Variants in SAMSN1 observed in about 807,000 individuals in gnomAD.
SAMSN1 encodes SAM domain-containing protein SAMSN-1.
SAMSN1 carries 31 observed loss-of-function variants against 42.0 expected under a neutral mutation model. The observed-to-expected ratio is 0.74, with a 90% CI of 0.55 to 1.00. The LOEUF is 1.00. SAMSN1 is among the 50% of genes least tolerant of loss of function. The pLI is 0.00. For missense variants in SAMSN1, 464 were observed against 439.4 expected, an observed-to-expected ratio of 1.06 and a Z score of -0.50; for synonymous variants, 178 against 151.9, an observed-to-expected ratio of 1.17 and a Z score of -1.26.
At chr21:14,516,815 A>T in intron 3 of SAMSN1, 77 bp downstream of exon 3, 1 of 1,222,008 alleles carries the variant, frequency 8.2e-7, no homozygotes, top group South Asian at 1.5e-5. Flanking sequence ...TAAAGTACCA[A>T]GCACTTCTAT....
intron 4 of SAMSN1, among the ~76,000 whole-genome samples, chr21:14,511,657 C>A (rs1028504724): frequency 6.6e-6 from 1 of 152,174 alleles, no homozygotes; most frequent in Middle Eastern, 3.4e-3. Context: ...TTTAAAAACC[C>A]TGAAAAGATT....
At chr21:14,625,505 T>A (rs543144912) in intron 2 of SAMSN1, among the ~76,000 whole-genome samples, 1 of 152,240 alleles carries the variant, frequency 6.6e-6, no homozygotes, top group South Asian at 2.1e-4. Context: ...GAGAGCCAAA[T>A]CATGAGTGAA....
chr21:14,628,346 C>A (rs1171839729), intron 2 of SAMSN1, among the ~76,000 whole-genome samples: 1 of 152,030 alleles, frequency 6.6e-6, no homozygotes, highest in African/African-American at 2.4e-5. Context: ...CTGATCTGAT[C>A]ACTATACATG....
At chr21:14,561,846 T>C (rs2403784) in intron 2 of SAMSN1, among the ~76,000 whole-genome samples, 5,522 of 152,254 alleles carry the variant, frequency 0.036, 304 homozygotes, top group African/African-American at 0.12. Flanking sequence ...CATGTGAAGA[T>C]GGAGGCAGGA....
At chr21:14,644,963 G>C (rs1472399509) in intron 1 of SAMSN1, among the ~76,000 whole-genome samples, 1 of 152,138 alleles carries the variant, frequency 6.6e-6, no homozygotes, top group African/African-American at 2.4e-5. Context: ...GAGTGGGAAG[G>C]CTGGTGTGGT....
At chr21:14,559,582 C>T (rs1980876576) in intron 2 of SAMSN1, among the ~76,000 whole-genome samples, 1 of 152,142 alleles carries the variant, frequency 6.6e-6, no homozygotes, top group Non-Finnish European at 1.5e-5. Flanking sequence ...TGGCTCACTG[C>T]AGCATTGAAC....
chr21:14,507,168 C>T (rs1181442925), intron 5 of SAMSN1, among the ~76,000 whole-genome samples: 1 of 152,172 alleles, frequency 6.6e-6, no homozygotes, highest in Non-Finnish European at 1.5e-5. Flanking sequence ...TCCTCTTCAA[C>T]ACAGTACTGG....
At chr21:14,532,188 C>T (rs368970996) in intron 1 of SAMSN1, among the ~76,000 whole-genome samples, 1 of 152,090 alleles carries the variant, frequency 6.6e-6, no homozygotes, top group East Asian at 1.9e-4. Context: ...TCAAGGGGAA[C>T]CTTTTTAGAA....
At chr21:14,546,334 G>T (rs1290502884), upstream of SAMSN1, 4 of 1,594,446 alleles carry the variant, frequency 2.5e-6, no homozygotes, top group Non-Finnish European at 3.4e-6. Flanking sequence ...TCAGCAGTGT[G>T]CTGTCTAATG....
chr21:14,485,947 C>A lies in SAMSN1; in HGVS notation c.1087G>T (p.Val363Leu), dbSNP rs1479403179. Residue 363 changes from valine (V) to leucine (L), a missense_variant, in exon 8 of 8, where the codon GTA (valine) becomes TTA (leucine). Val to Leu is a conservative substitution (Grantham distance 32). Transcript: ENST00000400566. ...GGCTCTGTGATAATAATCTTATGTA[C>A]CATGTCAGACAGATTTTCAGACTCC... is the stretch of plus-strand genomic sequence containing the variant. ...DLESENLSDM[V>L]HKIIITEPSD is the part of the protein sequence containing the mutation. 1 of 1,613,588 alleles carries A rather than the reference C, an allele frequency of 6.2e-7. No individual in the cohort carries two copies. The highest frequency in any genetic ancestry group is 1.1e-5 in the South Asian group (1 of 91,074).
intron 2 of SAMSN1, among the ~76,000 whole-genome samples, chr21:14,579,598 A>G (rs1600942125): frequency 2.2e-5 from 3 of 133,716 alleles, no homozygotes; most frequent in African/African-American, 8.5e-5. Flanking sequence ...TCAAATATTT[A>G]TTTATTTATT....
intron 6 of SAMSN1, among the ~76,000 whole-genome samples, chr21:14,599,052 A>C (rs1982355271): frequency 6.6e-6 from 1 of 152,190 alleles, no homozygotes; most frequent in South Asian, 2.1e-4. Flanking sequence ...GGGTTTATAA[A>C]GTCAAAATCA....
At chr21:14,527,625 T>C (rs80158848) in intron 1 of SAMSN1, among the ~76,000 whole-genome samples, 2,455 of 152,294 alleles carry the variant, frequency 0.016, 79 homozygotes, top group African/African-American at 0.056. Flanking sequence ...CAGATTCTGA[T>C]TCCACCACGG....
At chr21:14,638,206 C>T (rs552455795) in intron 2 of SAMSN1, among the ~76,000 whole-genome samples, 17 of 152,216 alleles carry the variant, frequency 1.1e-4, no homozygotes, top group African/African-American at 2.4e-4. Flanking sequence ...AGGCCACATC[C>T]GGTAGCCATG....
At chr21:14,657,395 T>C (rs751468457) in intron 1 of SAMSN1, among the ~76,000 whole-genome samples, 6 of 151,696 alleles carry the variant, frequency 4.0e-5, no homozygotes, top group Non-Finnish European at 7.4e-5. Context: ...TTCGAGGCAA[T>C]CCTTTTTAAG....
chr21:14,620,930 T>A (rs1324967900), intron 2 of SAMSN1, among the ~76,000 whole-genome samples: 1 of 152,234 alleles, frequency 6.6e-6, no homozygotes, highest in Non-Finnish European at 1.5e-5. Flanking sequence ...TTTGTTTAAT[T>A]CATTCTCTTG....
At chr21:14,580,905 T>C (rs920002834) in intron 2 of SAMSN1, among the ~76,000 whole-genome samples, 1 of 152,190 alleles carries the variant, frequency 6.6e-6, no homozygotes. Flanking sequence ...CCAGAGGAGC[T>C]GTAGGTAAAG....
chr21:14,590,332 C>T (rs1417749031), intron 7 of SAMSN1, among the ~76,000 whole-genome samples: 2 of 151,766 alleles, frequency 1.3e-5, no homozygotes, highest in South Asian at 2.1e-4. Flanking sequence ...GGCTGGCGTG[C>T]ATTTGCATGA....
intron 1 of SAMSN1, among the ~76,000 whole-genome samples, chr21:14,657,176 A>G (rs866549956): frequency 3.3e-5 from 5 of 152,014 alleles, no homozygotes; most frequent in Middle Eastern, 3.4e-3. Context: ...AAAAACACCT[A>G]AGATAATGTT....
Sources: allele counts gnomAD v4.1 joint callset (sites outside exome capture counted in the v4.1 genomes callset), GRCh38; gene constraint gnomAD v4.1.1; transcripts MANE v1.5; gene names NCBI Gene and HGNC (gene_info 2026-07-23, HGNC 2026-07-21).